TARS3: variants seen among roughly 807,000 people sequenced by gnomAD.
TARS3 encodes threonine--tRNA ligase 2, cytoplasmic.
In TARS3, 94 loss-of-function variants were observed where a neutral mutation model predicts 103.5. That is an observed-to-expected ratio of 0.91 (90% CI 0.77 to 1.08). The LOEUF (loss-of-function observed/expected upper bound fraction) is 1.08. TARS3 is among the 50% of genes least tolerant of loss of function. The probability of loss-of-function intolerance (pLI) is 0.00; values close to 1 mark genes in which losing one functional copy is unlikely to be tolerated. For missense variants in TARS3, 952 were observed against 995.2 expected (o/e 0.96, Z 0.58); for synonymous variants, 416 against 355.4 (o/e 1.17, Z -1.92).
At chr15:101,664,543 A>G (rs2141384092) in intron 15 of TARS3, 1 of 152,250 alleles carries the variant, frequency 6.6e-6, no homozygotes, top group African/African-American at 2.4e-5. Flanking sequence ...TGTGAATATC[A>G]CTATAAAGGC....
At chr15:101,679,855 T>G (rs767730217) in intron 12 of TARS3, among the ~76,000 whole-genome samples, 2 of 152,172 alleles carry the variant, frequency 1.3e-5, no homozygotes, top group Non-Finnish European at 2.9e-5. Flanking sequence ...AGAAAGGAAG[T>G]AAGGGGAGAG....
intron 10 of TARS3, among the ~76,000 whole-genome samples, chr15:101,698,047 C>T (rs1057336916): frequency 4.6e-5 from 7 of 152,198 alleles, no homozygotes; most frequent in African/African-American, 1.7e-4. Context: ...GAGAACAAAG[C>T]TACCCCAGGC....
intron 16 of TARS3, among the ~76,000 whole-genome samples, chr15:101,658,085 G>A (rs976019431): frequency 6.6e-6 from 1 of 152,178 alleles, no homozygotes; most frequent in Non-Finnish European, 1.5e-5. Context: ...CTGGCAGACA[G>A]CCCAAAGGGC....
chr15:101,715,398 G>A (rs1026672203), intron 3 of TARS3, among the ~76,000 whole-genome samples: 4 of 151,826 alleles, frequency 2.6e-5, no homozygotes, highest in South Asian at 2.1e-4. Context: ...CGCCCGCCTC[G>A]GCCTCCCAAA....
chr15:101,722,794 G>A (rs868286808), intron 2 of TARS3, among the ~76,000 whole-genome samples: 2 of 151,414 alleles, frequency 1.3e-5, no homozygotes, highest in African/African-American at 4.9e-5. Flanking sequence ...CTCTAGCCTG[G>A]GCAACAAGAG....
In TARS3 at chr15:101,715,730, G is replaced by A. The variant is rs190875893; in HGVS notation, c.567-767C>T. On this transcript the variant is annotated intron_variant, in intron 3 of 18. Coordinates refer to ENST00000335968, the MANE Select transcript of TARS3 (RefSeq NM_152334.3). ...GCCTCCACTGCTGCACACTGAGGTC[G>A]CCTAAGTCTTGCTATCATAGAGTAT... Among the ~76,000 whole-genome samples, 16 of 152,164 alleles carry A rather than the reference G, an allele frequency of 1.1e-4. No homozygotes were observed. The East Asian group carries it at 2.5e-3, about 24-fold the overall frequency.
At chr15:101,688,283 A>G (rs1898560825) in intron 10 of TARS3, among the ~76,000 whole-genome samples, 1 of 152,122 alleles carries the variant, frequency 6.6e-6, no homozygotes, top group Non-Finnish European at 1.5e-5. Context: ...TTTTCTCTAG[A>G]TTTGAACTTT....
At chr15:101,722,679 C>A (rs540040084) in intron 2 of TARS3, among the ~76,000 whole-genome samples, 1 of 140,896 alleles carries the variant, frequency 7.1e-6, no homozygotes, top group African/African-American at 2.6e-5. Context: ...ATTAGCCGGG[C>A]TTGGTGGCAT....
At chr15:101,702,527 T>C (rs2141431025) in intron 8 of TARS3, 142 bp from the exon 9 acceptor site, 1 of 712,618 alleles carries the variant, frequency 1.4e-6, no homozygotes. Context: ...CCCAGCACTT[T>C]GGGAGGCCAA....
chr15:101,720,676 G>A (rs1900404573), intron 3 of TARS3, among the ~76,000 whole-genome samples: 1 of 151,992 alleles, frequency 6.6e-6, no homozygotes, highest in South Asian at 2.1e-4. Flanking sequence ...AGCTGATATG[G>A]TTTGGCTGTG....
rs1897118306 is a variant in TARS3, at chr15:101,654,296, C to T, written c.*286G>A. On this transcript the variant is annotated 3_prime_UTR_variant, in exon 19 of 19. Transcript: ENST00000335968. ...AATCACTAACATTTCATAATCATTT[C>T]CTAGTGTTTTGTTTCACTTTCTCGA... The T allele has an allele frequency of 3.3e-6, 1 of 299,288 alleles. No individual in the cohort carries two copies. The allele number at this position is 299,288 out of a possible 1,614,324, so 18.5% of individuals were successfully genotyped here.
At chr15:101,671,311 G>C (rs892939118) in intron 15 of TARS3, among the ~76,000 whole-genome samples, 175 bp downstream of exon 15, 9 of 152,224 alleles carry the variant, frequency 5.9e-5, no homozygotes, top group Non-Finnish European at 1.3e-4. Flanking sequence ...CCCGCTACTA[G>C]ACCAGAAAAT....
intron 12 of TARS3, among the ~76,000 whole-genome samples, chr15:101,680,124 G>A (rs1567333403): frequency 1.3e-5 from 2 of 152,166 alleles, no homozygotes; most frequent in Admixed American, 6.5e-5. Context: ...GTTAATGCAG[G>A]AGTAAAATTC....
At chr15:101,674,302 G>C (rs1006369868) in intron 13 of TARS3, among the ~76,000 whole-genome samples, 2 of 152,192 alleles carry the variant, frequency 1.3e-5, no homozygotes, top group African/African-American at 2.4e-5. Context: ...GGATATGCCA[G>C]AGTGAAGCCA....
rs767912108 is a variant in TARS3 at position 101,671,538 on chromosome 15, T to A, written c.1915A>T (p.Thr639Ser). The A allele has an allele frequency of 2.5e-6, 4 of 1,612,254 alleles. No homozygotes were observed. The highest frequency in any genetic ancestry group is 3.4e-6 in the Non-Finnish European group (4 of 1,178,372). ...GGCAGTTGGAAGTCCAGCTGAATTG[T>A]AGCACATTGATGGTATCTGCCAATA... is the stretch of plus-strand genomic sequence containing the variant. ...DAIGRYHQCATIQLDFQLPIR... is the reference protein window; with the variant it reads ...DAIGRYHQCASIQLDFQLPIR... Residue 639 changes from threonine (T) to serine (S), a missense_variant, in exon 15 of 19, where the codon ACA becomes TCA. Physicochemically the swap from Thr to Ser is moderately conservative, Grantham distance 58 (BLOSUM62 1). This residue lies in a region of TARS3 where 540 missense variants were observed against 631.0 expected (regional missense o/e 0.86). Transcript: ENST00000335968.
intron 9 of TARS3, 65 bp from the exon 10 acceptor site, chr15:101,701,249 CAT>C (rs965659164): frequency 1.1e-6 from 1 of 930,812 alleles, no homozygotes; most frequent in African/African-American, 1.7e-5. Flanking sequence ...ACTGCACACA[CAT>C]ATAATACTCA....
chr15:101,665,276 A>T (rs1476230378), intron 15 of TARS3, among the ~76,000 whole-genome samples: 1 of 152,250 alleles, frequency 6.6e-6, no homozygotes, highest in Non-Finnish European at 1.5e-5. Context: ...AGACAGACAC[A>T]TCACAATCGT....
rs116716665 is a variant in TARS3, at chr15:101,700,416, T to C, written c.1320+670A>G. Among the ~76,000 whole-genome samples, 456 of 152,344 alleles carry C rather than the reference T, an allele frequency of 3.0e-3. 4 individuals carry two copies. The highest frequency in any genetic ancestry group is 0.011 in the African/African-American group (437 of 41,580). Reference sequence around the variant, plus strand: ...GCATCAGTGGCCCATGGAGCACATTTGGAGAAGCAATGCTTCATGGCTTAA... The same window carrying C: ...GCATCAGTGGCCCATGGAGCACATTCGGAGAAGCAATGCTTCATGGCTTAA... On this transcript the variant is annotated intron_variant, in intron 10 of 18. Transcript: ENST00000335968.
chr15:101,685,734 A>G (rs1293282933), intron 11 of TARS3, among the ~76,000 whole-genome samples, 162 bp downstream of exon 11: 3 of 152,356 alleles, frequency 2.0e-5, no homozygotes, highest in Admixed American at 2.0e-4. Context: ...TATATTTTCA[A>G]AAGTAAATCC....
Sources: gnomAD v4.1 joint callset for allele counts (sites outside exome capture counted in the v4.1 genomes callset) on GRCh38, gnomAD v4.1.1 for gene constraint, gnomAD v4.1.1 regional missense constraint, MANE v1.5 for transcripts, NCBI Gene and HGNC (gene_info 2026-07-23, HGNC 2026-07-21) for gene names.